Variants in MAGI2 observed in about 807,000 individuals in gnomAD.
The protein encoded by MAGI2 is membrane-associated guanylate kinase, WW and PDZ domain-containing protein 2.
MAGI2 carries 35 observed loss-of-function variants against 133.3 expected under a neutral mutation model. The ratio of observed to expected loss-of-function variants is 0.26; its 90% CI spans 0.20 to 0.35. The LOEUF is 0.35. Ranked by LOEUF, MAGI2 falls within the 10% of genes least tolerant of loss-of-function variation. The pLI, the probability that MAGI2 is intolerant of heterozygous loss-of-function variation, is 1.00. For synonymous variants in MAGI2, 729 were observed against 710.6 expected (o/e 1.03, Z -0.41); for missense variants, 1,636 against 1,863.4 (o/e 0.88, Z 2.25).
intron 2 of MAGI2, among the ~76,000 whole-genome samples, chr7:78,814,868 G>C (rs73369426): frequency 0.024 from 3,714 of 152,230 alleles, 147 homozygotes; most frequent in African/African-American, 0.084. Flanking sequence ...GATAACAGGT[G>C]CATGCCATCA....
At chr7:78,852,276 C>A (rs1220130695) in intron 2 of MAGI2, among the ~76,000 whole-genome samples, 4 of 151,984 alleles carry the variant, frequency 2.6e-5, no homozygotes, top group Non-Finnish European at 4.4e-5. Flanking sequence ...TATTCTTTTG[C>A]AGGAGGTCTT....
chr7:78,650,202 T>G (rs1056202432), intron 2 of MAGI2, among the ~76,000 whole-genome samples: 3 of 152,186 alleles, frequency 2.0e-5, no homozygotes, highest in Non-Finnish European at 4.4e-5. Flanking sequence ...TGAGAGATCC[T>G]GGATACAGCC....
intron 21 of MAGI2, among the ~76,000 whole-genome samples, chr7:78,045,196 TAAAAC>T (rs1197457810): frequency 3.9e-5 from 6 of 152,054 alleles, no homozygotes; most frequent in African/African-American, 1.2e-4. Flanking sequence ...ATAAAATAAA[TAAAAC>T]AAAATCAAAA....
intron 3 of MAGI2, among the ~76,000 whole-genome samples, chr7:78,624,732 G>A (rs180906146): frequency 1.3e-5 from 2 of 152,058 alleles, no homozygotes; most frequent in East Asian, 3.9e-4. Context: ...GATCTGTGCA[G>A]CAAACCACTA....
chr7:79,157,945 T>A (rs4730679), intron 1 of MAGI2, among the ~76,000 whole-genome samples: 1,767 of 20,822 alleles, frequency 0.085, 33 homozygotes, highest in African/African-American at 0.13. Context: ...TGTGTGAGTG[T>A]GTGTGTGTGT....
chr7:78,351,367 C>T (rs952928058), intron 7 of MAGI2, among the ~76,000 whole-genome samples: 15 of 151,994 alleles, frequency 9.9e-5, no homozygotes, highest in African/African-American at 3.4e-4. Flanking sequence ...ATTAGCCAGG[C>T]ATGGTGGCAC....
At chr7:79,382,597 C>A (rs1843870900) in intron 1 of MAGI2, among the ~76,000 whole-genome samples, 1 of 151,486 alleles carries the variant, frequency 6.6e-6, no homozygotes, top group Non-Finnish European at 1.5e-5. Context: ...AAGGGGAAAG[C>A]AATAGTGCTC....
intron 1 of MAGI2, among the ~76,000 whole-genome samples, chr7:79,443,294 G>A (rs1367619016): frequency 1.3e-5 from 2 of 151,012 alleles, no homozygotes; most frequent in African/African-American, 2.4e-5. Context: ...GCGTGTGTGT[G>A]TGTGTGTGTG....
intron 2 of MAGI2, among the ~76,000 whole-genome samples, chr7:78,774,890 G>A (rs910183902): frequency 1.1e-4 from 16 of 152,066 alleles, no homozygotes; most frequent in African/African-American, 3.4e-4. Flanking sequence ...CACCGCAGAA[G>A]AATAAATATA....
intron 2 of MAGI2, among the ~76,000 whole-genome samples, chr7:78,888,943 G>A (rs184345813): frequency 1.9e-4 from 29 of 152,170 alleles, no homozygotes; most frequent in African/African-American, 6.8e-4. Flanking sequence ...GCTAAAGGAG[G>A]AAGTTCGAAC....
chr7:78,821,286 G>A (rs1790085240), intron 2 of MAGI2, among the ~76,000 whole-genome samples: 1 of 151,970 alleles, frequency 6.6e-6, no homozygotes, highest in African/African-American at 2.4e-5. Flanking sequence ...CACTGTTTTA[G>A]GCAATTAAGA....
At chr7:79,366,539 A>T (rs1842719989) in intron 1 of MAGI2, among the ~76,000 whole-genome samples, 1 of 152,180 alleles carries the variant, frequency 6.6e-6, no homozygotes. Flanking sequence ...ATACACACAA[A>T]TAACCTCACA....
chr7:79,009,479 T>C (rs1807829001), intron 1 of MAGI2, among the ~76,000 whole-genome samples: 1 of 152,172 alleles, frequency 6.6e-6, no homozygotes, highest in Non-Finnish European at 1.5e-5. Context: ...AAATGCTTTA[T>C]TATCCTTTAC....
rs373952958 is a variant in MAGI2 at position 78,737,252 on chromosome 7, CTG to C, written c.419-110015_419-110014del. ...AAGAGTGGCAAAATTAAAGAGGTAA[CTG>C]TTATAAATGTGTCAACATTAGAAAG... On this transcript the variant is annotated intron_variant, in intron 2 of 21. Transcript: ENST00000354212. Among the ~76,000 whole-genome samples the C allele has an allele frequency of 1.4e-3, 217 of 152,218 alleles. 1 individual carries two copies. Among genetic ancestry groups the C allele is most frequent in the African/African-American group, 4.8e-3 (198 of 41,534 alleles).
At chr7:78,443,081 T>C (rs1392631383) in intron 6 of MAGI2, among the ~76,000 whole-genome samples, 1 of 135,246 alleles carries the variant, frequency 7.4e-6, no homozygotes, top group Non-Finnish European at 1.6e-5. Flanking sequence ...CATGTGGCCC[T>C]GTGCGTCCCT....
intron 9 of MAGI2, among the ~76,000 whole-genome samples, chr7:78,281,046 A>AT (rs576282558): frequency 4.0e-5 from 6 of 151,556 alleles, no homozygotes; most frequent in Admixed American, 2.6e-4. Context: ...ATCAGATATC[A>AT]TTTTTTTCTC....
chr7:78,061,103 C>A (rs1584978914), intron 21 of MAGI2, among the ~76,000 whole-genome samples: 2 of 151,128 alleles, frequency 1.3e-5, no homozygotes, highest in Admixed American at 1.3e-4. Context: ...GGCAGAGATT[C>A]CCCTGAGCCG....
intron 2 of MAGI2, among the ~76,000 whole-genome samples, chr7:78,795,123 AATT>A (rs1787498964): frequency 1.3e-5 from 2 of 152,202 alleles, no homozygotes; most frequent in South Asian, 4.1e-4. Flanking sequence ...GGAGATTTCA[AATT>A]ATTATTGTTT....
intron 16 of MAGI2, among the ~76,000 whole-genome samples, chr7:78,146,051 T>C (rs1823281281): frequency 6.6e-6 from 1 of 152,206 alleles, no homozygotes; most frequent in South Asian, 2.1e-4. Flanking sequence ...CTTTCTTTTC[T>C]TCCCTGAATT....
Sources: gnomAD v4.1 joint callset for allele counts (sites outside exome capture counted in the v4.1 genomes callset) on GRCh38, gnomAD v4.1.1 for gene constraint, MANE v1.5 for transcripts, NCBI Gene and HGNC (gene_info 2026-07-23, HGNC 2026-07-21) for gene names.